ATP10B: variants seen among roughly 807,000 people sequenced by gnomAD.
ATP10B encodes the protein phospholipid-transporting ATPase VB.
Under a neutral mutation model 141.2 loss-of-function variants are expected in ATP10B, and 122 were observed. The observed-to-expected ratio is 0.86, with a 90% CI of 0.75 to 1.00. The LOEUF (loss-of-function observed/expected upper bound fraction) is 1.00, where lower values mean the gene tolerates loss of function less well. Among genes scored for constraint, ATP10B ranks in the 50% least tolerant of loss-of-function variants. The pLI, the probability that ATP10B is intolerant of heterozygous loss-of-function variation, is 0.00. For missense variants in ATP10B, 1,876 were observed against 1,825.3 expected, an observed-to-expected ratio of 1.03 and a Z score of -0.51; for synonymous variants, 685 against 692.0, an observed-to-expected ratio of 0.99 and a Z score of 0.16.
At chr5:160,625,083 C>G (rs575571299) in intron 13 of ATP10B, among the ~76,000 whole-genome samples, 1 of 152,316 alleles carries the variant, frequency 6.6e-6, no homozygotes, top group Admixed American at 6.5e-5. Flanking sequence ...TTAGTACCAT[C>G]ATCCTCCCAA....
At chr5:160,917,140 A>T in the ATP10B span, among the ~76,000 whole-genome samples, 3 of 152,044 alleles carry the variant, frequency 2.0e-5, no homozygotes, top group Non-Finnish European at 4.4e-5. Flanking sequence ...AAAGCCACTA[A>T]TCTCCTCCTG....
At chr5:160,634,010 C>T in intron 12 of ATP10B, 1 of 388,794 alleles carries the variant, frequency 2.6e-6, no homozygotes, top group South Asian at 2.1e-5. Flanking sequence ...ATTCCTAAGC[C>T]TTGGTTGTGT....
In ATP10B at chr5:160,565,906, G is replaced by A. The variant is rs1754509370; in HGVS notation, c.3939-6C>T. On this transcript the variant is annotated splice_polypyrimidine_tract_variant and splice_region_variant and intron_variant, in intron 25 of 25. Transcript: ENST00000327245. Reference sequence around the variant, plus strand: ...GCAGAGACAGGAAAAAGTATCTGGTGGGAAACAACAGAATAAAGATATTTC... The same window carrying A: ...GCAGAGACAGGAAAAAGTATCTGGTAGGAAACAACAGAATAAAGATATTTC... 6 of 1,599,000 alleles carry A rather than the reference G, an allele frequency of 3.8e-6. No homozygotes were observed. Among genetic ancestry groups the A allele is most frequent in the Non-Finnish European group, 5.1e-6 (6 of 1,174,420 alleles).
At chr5:160,910,159 G>A in the ATP10B span, among the ~76,000 whole-genome samples, 1 of 152,180 alleles carries the variant, frequency 6.6e-6, no homozygotes, top group South Asian at 2.1e-4. Context: ...TAAGAAGCCT[G>A]TATCAGGGCC....
chr5:160,738,287 A>G (rs1345585071), intron 2 of ATP10B, among the ~76,000 whole-genome samples: 1 of 152,122 alleles, frequency 6.6e-6, no homozygotes, highest in Non-Finnish European at 1.5e-5. Context: ...TGTTTGAGAA[A>G]TAATTATAGC....
At position 160,565,808 on chromosome 5, in the gene ATP10B, A is replaced by G; in HGVS notation, c.4031T>C (p.Leu1344Pro). Reference protein sequence around the residue: ...IDKLPPDKRNLEIQSWRSRQR... With the variant: ...IDKLPPDKRNPEIQSWRSRQR... ...TCTGCTTCTCCAACTCTGGATTTCCAGGTTTCTTTTGTCTGGGGGGAGTTT... is the reference window on the plus strand; with the variant it reads ...TCTGCTTCTCCAACTCTGGATTTCCGGGTTTCTTTTGTCTGGGGGGAGTTT... The change falls in exon 26 of 26, where the codon CTG (leucine) becomes CCG (proline). Residue 1344 changes from leucine to proline, a missense_variant. Transcript: ENST00000327245. 6.2e-7 allele frequency: 1 copy of G among 1,613,972 alleles called. No homozygotes were observed. The highest frequency in any genetic ancestry group is 2.2e-5 in the East Asian group (1 of 44,856).
chr5:160,604,193 A>T (rs1757253991), intron 19 of ATP10B, 152 bp from the exon 20 acceptor site: 1 of 620,738 alleles, frequency 1.6e-6, no homozygotes, highest in East Asian at 2.7e-5. Flanking sequence ...TTAGCTTGAG[A>T]GATGTCATTT....
chr5:160,704,024 C>T (rs896401610), intron 3 of ATP10B, among the ~76,000 whole-genome samples: 1 of 152,054 alleles, frequency 6.6e-6, no homozygotes. Flanking sequence ...ACTTTGTCAC[C>T]CAGACTGGAG....
At chr5:160,670,419 C>A in intron 7 of ATP10B, 44 bp downstream of exon 7, 1 of 1,597,546 alleles carries the variant, frequency 6.3e-7, no homozygotes, top group South Asian at 1.1e-5. Context: ...AGGCTTGCAT[C>A]CTTTCTATGA....
intron 1 of ATP10B, among the ~76,000 whole-genome samples, chr5:160,845,038 T>A (rs531088945): frequency 1.2e-4 from 18 of 152,216 alleles, no homozygotes; most frequent in Non-Finnish European, 2.6e-4. Flanking sequence ...TCATGTTGAC[T>A]TTTGTGTGTA....
In ATP10B at chr5:160,843,865, G is replaced by T. The variant is rs139204804; in HGVS notation, c.-576+8076C>A. Among the ~76,000 whole-genome samples the T allele has an allele frequency of 1.1e-4, 17 of 151,232 alleles. No individual in the cohort carries two copies. The East Asian group carries it at 3.1e-3, about 28-fold the overall frequency. On this transcript the variant is annotated intron_variant, in intron 1 of 25. Transcript: ENST00000327245. Reference sequence around the variant, plus strand: ...GTTTTTTTCATTTTGTAATATTTGGGGTTATTTTTTAGCTTTAAAATTTTA... The same window carrying T: ...GTTTTTTTCATTTTGTAATATTTGGTGTTATTTTTTAGCTTTAAAATTTTA...
At chr5:160,906,153 A>G in the ATP10B span, among the ~76,000 whole-genome samples, 1 of 152,206 alleles carries the variant, frequency 6.6e-6, no homozygotes, top group African/African-American at 2.4e-5. Context: ...TCAATTTTCC[A>G]AGAACTTACA....
intron 13 of ATP10B, among the ~76,000 whole-genome samples, chr5:160,631,912 G>A (rs1381623849): frequency 6.6e-6 from 1 of 152,164 alleles, no homozygotes; most frequent in East Asian, 1.9e-4. Flanking sequence ...AAGTCTATAT[G>A]CTTACATAAA....
At chr5:160,819,505 T>C (rs1050882915) in intron 1 of ATP10B, among the ~76,000 whole-genome samples, 4 of 152,174 alleles carry the variant, frequency 2.6e-5, no homozygotes, top group Admixed American at 6.5e-5. Flanking sequence ...TTACTGGTTA[T>C]GGTAAGTACA....
At chr5:160,569,427 G>A in intron 25 of ATP10B, 69 bp downstream of exon 25, 1 of 1,515,442 alleles carries the variant, frequency 6.6e-7, no homozygotes, top group Non-Finnish European at 9.1e-7. Flanking sequence ...TGACTCTTGG[G>A]TTATAAAAAT....
At chr5:160,582,866 A>G in intron 24 of ATP10B, among the ~76,000 whole-genome samples, 1 of 152,028 alleles carries the variant, frequency 6.6e-6, no homozygotes, top group Non-Finnish European at 1.5e-5. Context: ...CACTTGATCG[A>G]TTCAGCTATT....
the ATP10B span, among the ~76,000 whole-genome samples, chr5:160,860,320 T>C: frequency 2.0e-5 from 3 of 151,962 alleles, no homozygotes; most frequent in Non-Finnish European, 4.4e-5. Context: ...ATATCTACTA[T>C]ACAGAATTAG....
intron 13 of ATP10B, among the ~76,000 whole-genome samples, chr5:160,629,103 G>T (rs1024686105): frequency 1.3e-5 from 2 of 152,094 alleles, no homozygotes; most frequent in African/African-American, 4.8e-5. Context: ...CTAAGGGAAG[G>T]TAAAGAACTG....
intron 1 of ATP10B, among the ~76,000 whole-genome samples, chr5:160,797,754 G>C (rs556385384): frequency 6.8e-4 from 104 of 151,998 alleles, no homozygotes; most frequent in African/African-American, 2.1e-3. Context: ...CAAACACACA[G>C]AGAGAGAGAA....
Sources: gnomAD v4.1 joint callset for allele counts (sites outside exome capture counted in the v4.1 genomes callset) on GRCh38, gnomAD v4.1.1 for gene constraint, MANE v1.5 for transcripts, NCBI Gene and HGNC (gene_info 2026-07-23, HGNC 2026-07-21) for gene names.